Variants in CLEC10A observed in about 807,000 individuals in gnomAD.
The protein encoded by CLEC10A is C-type lectin domain containing 10A.
Under a neutral mutation model 42.0 loss-of-function variants are expected in CLEC10A, and 38 were observed. The ratio of observed to expected loss-of-function variants is 0.90; its 90% CI spans 0.70 to 1.18. The LOEUF is 1.18. Among genes scored for constraint, CLEC10A ranks in the 50% most tolerant of loss-of-function variants. CLEC10A has a pLI of 0.00. For missense variants in CLEC10A, 298 were observed against 345.9 expected, an observed-to-expected ratio of 0.86 and a Z score of 1.10; for synonymous variants, 126 against 139.9, an observed-to-expected ratio of 0.90 and a Z score of 0.70.
Position 7,076,903 on chromosome 17 carries a change from A to C in CLEC10A, c.269T>G (p.Leu90Arg), listed in dbSNP as rs1911791709. Residue 90 changes from leucine (L) to arginine (R), a missense_variant, in exon 4 of 9, where the codon CTG (leucine) becomes CGG (arginine). This residue lies in a region of CLEC10A where 267 missense variants were observed against 289.5 expected (regional missense o/e 0.92). Transcript: ENST00000416562. ...TSNTVAEIQA[L>R]TSQGSSLEET... is the part of the protein sequence containing the mutation. ...CAAACCAGACTCACCCTGGGAAGTCAGTGCCTGGATCTCCGCCACAGTGTT... is the reference window on the plus strand; with the variant it reads ...CAAACCAGACTCACCCTGGGAAGTCCGTGCCTGGATCTCCGCCACAGTGTT... The C allele has an allele frequency of 6.2e-7, 1 of 1,613,894 alleles. No individual in the cohort carries two copies. Among genetic ancestry groups the C allele is most frequent in the South Asian group, 1.1e-5 (1 of 91,074 alleles).
chr17:7,074,834 T>C lies in CLEC10A; in HGVS notation c.*220A>G. 2.5e-6 allele frequency: 1 copy of C among 399,784 alleles called. No individual in the cohort carries two copies. Among genetic ancestry groups the C allele is most frequent in the Non-Finnish European group, 4.4e-6 (1 of 228,326 alleles). 24.8% of individuals were successfully genotyped at this position (399,784 alleles called of 1,614,324 possible). On this transcript the variant is annotated 3_prime_UTR_variant, in exon 9 of 9. Transcript: ENST00000416562. ...GTGCATTTTTATTATGTAAAAATTA[T>C]ACCTTCATGAAGTTGACTTTCAAAA...
rs779400609 is a variant in CLEC10A, at chr17:7,078,013, A to C, written c.168T>G (p.Cys56Trp). Residue 56 changes from cysteine to tryptophan, a missense_variant, in exon 3 of 9, where the codon TGT becomes TGG. By Grantham distance (215) the Cys-to-Trp change is radical (BLOSUM62 -2). Coordinates refer to ENST00000416562, the MANE Select transcript of CLEC10A (RefSeq NM_001330070.2). Reference sequence around the variant, plus strand: ...GACCCTCACTTTGGAATCCAACCACACAGATGATGACCAGCAGCAGGAGGC... The same window carrying C: ...GACCCTCACTTTGGAATCCAACCACCCAGATGATGACCAGCAGCAGGAGGC... ...GLGLLLLVIICVVGFQNSKFQ... is the reference protein window; with the variant it reads ...GLGLLLLVIIWVVGFQNSKFQ... The C allele has an allele frequency of 1.9e-6, 3 of 1,612,826 alleles. No homozygotes were observed. In the South Asian group the frequency reaches 3.3e-5, roughly 18 times the overall value.
At chr17:7,076,307 CTTTTTTTT>C (rs1206807036) in intron 5 of CLEC10A, among the ~76,000 whole-genome samples, 1 of 121,130 alleles carries the variant, frequency 8.3e-6, no homozygotes, top group African/African-American at 3.2e-5. Flanking sequence ...TTCTTTCTTT[CTTTTTTTT>C]TTTTTTTTTT....
rs1567744946 is a variant in CLEC10A at position 7,076,777 on chromosome 17, GA to G, written c.307del (p.Ser103LeufsTer2). 6.2e-7 allele frequency: 1 copy of G among 1,613,768 alleles called. No individual in the cohort carries two copies. The highest frequency in any genetic ancestry group is 1.3e-5 in the African/African-American group (1 of 74,898). ...GAAACCCTCCACCTCAGCTTTCAGA[GA>G]TGCTATCGTTTCTTCCAAGCTGCTG... ...QGSSLEETIA[S>X]LKAEVEGFKQ... On this transcript the variant is annotated frameshift_variant, in exon 5 of 9. Transcript: ENST00000416562. LOFTEE classifies it high-confidence loss of function.
rs73242048 is a variant in CLEC10A, at chr17:7,080,186, G to A, written c.-208C>T. ...GTGACTGGAGTCCTGCTGGTCTTGGGTCTGAAATCCCAGGAGCCCTATCAT... is the reference window on the plus strand; with the variant it reads ...GTGACTGGAGTCCTGCTGGTCTTGGATCTGAAATCCCAGGAGCCCTATCAT... On this transcript the variant is annotated 5_prime_UTR_variant, in exon 1 of 9. Coordinates refer to ENST00000416562, the MANE Select transcript of CLEC10A (RefSeq NM_001330070.2). 16,233 of 152,422 alleles carry A rather than the reference G, an allele frequency of 0.11. 1,637 individuals are homozygous for A. The highest frequency in any genetic ancestry group is 0.26 in the African/African-American group (10,981 of 41,460). 9.4% of individuals were successfully genotyped at this position (152,422 alleles called of 1,614,324 possible).
Position 7,078,788 on chromosome 17 carries a change from G to A in CLEC10A, c.25C>T (p.Gln9Ter), listed in dbSNP as rs1912010118. 6.2e-7 allele frequency: 1 copy of A among 1,614,172 alleles called. No individual in the cohort carries two copies. The highest frequency in any genetic ancestry group is 8.5e-7 in the Non-Finnish European group (1 of 1,180,030). Residue 9 changes from glutamine to a stop codon, truncating the protein, a stop_gained, in exon 2 of 9, where the codon CAG becomes TAG. Transcript: ENST00000416562. LOFTEE classifies it high-confidence loss of function. The part of the protein sequence containing the change: MTRTYENF[Q>*]YLENKVKVQG... ...ACTTTCACCTTATTCTCCAAGTACT[G>A]GAAGTTTTCATACGTCCTTGTCATG...
rs779984512 is a variant in CLEC10A, at chr17:7,078,882, G to A, written c.-70C>T. 6 of 1,457,030 alleles carry A rather than the reference G, an allele frequency of 4.1e-6. No homozygotes were observed. The highest frequency in any genetic ancestry group is 3.9e-6 in the Non-Finnish European group (4 of 1,037,010). 90.3% of individuals were successfully genotyped at this position (1,457,030 alleles called of 1,614,324 possible). A position where few individuals can be genotyped will look rare whatever the true frequency, so the allele number is the denominator to read the frequency against. ...GCAGGGCCGGCGCCCAGTCTGGGGT[G>A]GAGCTGGGGAATAGGAGGTTGGGAC... is the stretch of plus-strand genomic sequence containing the variant. On this transcript the variant is annotated 5_prime_UTR_variant, in exon 2 of 9. Coordinates refer to ENST00000416562, the MANE Select transcript of CLEC10A (RefSeq NM_001330070.2).
rs1467420036 is a variant in CLEC10A, at chr17:7,080,108, G to T, written c.-130C>A. On this transcript the variant is annotated 5_prime_UTR_variant, in exon 1 of 9. Transcript: ENST00000416562. Reference sequence around the variant, plus strand: ...GTTGGTTGTGCTGCAAGGACCAGAGGTGGGACGTCACTCAGAGTTGGGAGC... The same window carrying T: ...GTTGGTTGTGCTGCAAGGACCAGAGTTGGGACGTCACTCAGAGTTGGGAGC... The T allele has an allele frequency of 6.6e-6, 1 of 152,362 alleles. No individual in the cohort carries two copies. The highest frequency in any genetic ancestry group is 1.5e-5 in the Non-Finnish European group (1 of 68,144). 9.4% of individuals were successfully genotyped at this position (152,362 alleles called of 1,614,324 possible).
At position 7,076,003 on chromosome 17, in the gene CLEC10A, C is replaced by T; in HGVS notation, c.421G>A (p.Ala141Thr). 3.7e-6 allele frequency: 6 copies of T among 1,614,208 alleles called. No individual in the cohort carries two copies. Among genetic ancestry groups the T allele is most frequent in the Non-Finnish European group, 5.1e-6 (6 of 1,180,036 alleles). ...QDLKKLTCQV[A>T]TLNNNASTEG... ...TCCTCACCATTGTTGTTGAGAGTAG[C>T]CACCTGGCAGGTCAGTTTCTTCAGG... Residue 141 changes from alanine (A) to threonine (T), a missense_variant, in exon 6 of 9, where the codon GCT becomes ACT. Physicochemically the swap from Ala to Thr is moderately conservative, Grantham distance 58. This residue lies in a region of CLEC10A where 267 missense variants were observed against 289.5 expected (regional missense o/e 0.92). Coordinates refer to ENST00000416562, the MANE Select transcript of CLEC10A (RefSeq NM_001330070.2).
Position 7,074,567 on chromosome 17 carries a change from T to A in CLEC10A, c.*487A>T, listed in dbSNP as rs533417515. On this transcript the variant is annotated 3_prime_UTR_variant, in exon 9 of 9. Coordinates refer to ENST00000416562, the MANE Select transcript of CLEC10A (RefSeq NM_001330070.2). Reference sequence around the variant, plus strand: ...TCTCACGAGAGTATATATTCACTTATATGAAGTATATACACGAGAGTGTAT... The same window carrying A: ...TCTCACGAGAGTATATATTCACTTAAATGAAGTATATACACGAGAGTGTAT... The A allele has an allele frequency of 1.3e-5, 2 of 152,488 alleles. No homozygotes were observed. Among genetic ancestry groups the A allele is most frequent in the Admixed American group, 6.5e-5 (1 of 15,284 alleles). 9.4% of individuals were successfully genotyped at this position (152,488 alleles called of 1,614,324 possible).
Position 7,076,830 on chromosome 17 carries a change from G to C in CLEC10A, c.281-26C>G, listed in dbSNP as rs763205260. 1.9e-6 allele frequency: 3 copies of C among 1,613,798 alleles called. No homozygotes were observed. The Admixed American group carries it at 5.0e-5, about 27-fold the overall frequency. On this transcript the variant is annotated intron_variant, in intron 4 of 8. Transcript: ENST00000416562. ...CTGGAGGACACGGAGACTTGGCTTAGGGGTCAACTTCCTCCTCCCTGGCCT... is the reference window on the plus strand; with the variant it reads ...CTGGAGGACACGGAGACTTGGCTTACGGGTCAACTTCCTCCTCCCTGGCCT...
chr17:7,076,051 G>C lies in CLEC10A; in HGVS notation c.373C>G (p.Arg125Gly). 6.2e-7 allele frequency: 1 copy of C among 1,614,194 alleles called. No homozygotes were observed. The highest frequency in any genetic ancestry group is 1.3e-5 in the African/African-American group (1 of 75,036). ...AGGTCTTGCACCAGCTGCTGGACTC[G>C]CAGGAGCATTTCAGAATGAACTGGG... Reference protein sequence around the residue: ...RQAVHSEMLLRVQQLVQDLKK... With the variant: ...RQAVHSEMLLGVQQLVQDLKK... The change falls in exon 6 of 9, where the codon CGA (arginine) becomes GGA (glycine). Residue 125 changes from arginine to glycine, a missense_variant. Coordinates refer to ENST00000416562, the MANE Select transcript of CLEC10A (RefSeq NM_001330070.2).
Position 7,079,218 on chromosome 17 carries a change from G to A in CLEC10A, c.-73-333C>T, listed in dbSNP as rs746359368. Among the ~76,000 whole-genome samples, 4 of 152,208 alleles carry A rather than the reference G, an allele frequency of 2.6e-5. No homozygotes were observed. The Middle Eastern group carries it at 0.01, about 388-fold the overall frequency. On this transcript the variant is annotated intron_variant, in intron 1 of 8. Transcript: ENST00000416562. ...GTGAATTTGGAAACAGAATAGAGTC[G>A]AGGTTCAATTTTGGCTTTGGGCTGG...
chr17:7,075,841 G>A lies in CLEC10A; in HGVS notation c.484C>T (p.Gln162Ter). Reference sequence around the variant, plus strand: ...TGAGAGAACCAGTAGCAGCTGTCTTGGTGCTCCACCCAGTTGACAGGGCAG... The same window carrying A: ...TGAGAGAACCAGTAGCAGCTGTCTTAGTGCTCCACCCAGTTGACAGGGCAG... ...TCCPVNWVEH[Q>*]DSCYWFSHSG... is the part of the protein sequence containing the mutation. Residue 162 changes from glutamine (Q) to a stop codon, truncating the protein, a stop_gained, in exon 7 of 9, where the codon CAA becomes TAA. Coordinates refer to ENST00000416562, the MANE Select transcript of CLEC10A (RefSeq NM_001330070.2). LOFTEE classifies it high-confidence loss of function. 6.2e-7 allele frequency: 1 copy of A among 1,614,118 alleles called. No individual in the cohort carries two copies. The highest frequency in any genetic ancestry group is 8.5e-7 in the Non-Finnish European group (1 of 1,179,964).
chr17:7,077,528 ACCCC>A (rs1436738719), intron 3 of CLEC10A, among the ~76,000 whole-genome samples: 1 of 9,178 alleles, frequency 1.1e-4, no homozygotes. Context: ...CCCATCAGTG[ACCCC>A]CCACCGTTCC....
intron 5 of CLEC10A, 67 bp from the exon 6 acceptor site, chr17:7,076,138 G>A: frequency 6.2e-7 from 1 of 1,613,908 alleles, no homozygotes; most frequent in South Asian, 1.1e-5. Context: ...GTGTGTTCCT[G>A]GAGCTCAGAT....
At chr17:7,075,934 G>A in intron 6 of CLEC10A, 49 bp from the exon 7 acceptor site, 1 of 1,612,202 alleles carries the variant, frequency 6.2e-7, no homozygotes, top group Non-Finnish European at 8.5e-7. Flanking sequence ...GCTCTGCCCA[G>A]TGGGCCATGG....
chr17:7,076,745 C>A lies in CLEC10A; in HGVS notation c.340G>T (p.Glu114Ter), dbSNP rs1473806851. Residue 114 changes from glutamate (E) to a stop codon, truncating the protein, a stop_gained, in exon 5 of 9, where the codon GAA becomes TAA. Coordinates refer to ENST00000416562, the MANE Select transcript of CLEC10A (RefSeq NM_001330070.2). LOFTEE classifies it high-confidence loss of function. ...LKAEVEGFKQ[E>*]RQAVHSEMLL... ...GAGGGTCTCTCACCTGCCTGCCGTTCCTGCTTGAAACCCTCCACCTCAGCT... is the reference window on the plus strand; with the variant it reads ...GAGGGTCTCTCACCTGCCTGCCGTTACTGCTTGAAACCCTCCACCTCAGCT... 1.9e-6 allele frequency: 3 copies of A among 1,613,556 alleles called. No homozygotes were observed. The African/African-American group carries it at 4.0e-5, about 22-fold the overall frequency.
intron 3 of CLEC10A, 149 bp from the exon 4 acceptor site, chr17:7,077,136 G>A: frequency 1.6e-6 from 1 of 643,048 alleles, no homozygotes; most frequent in Non-Finnish European, 2.8e-6. Flanking sequence ...TGCCGATGAG[G>A]AAACTAAGCC....
Sources: gnomAD v4.1 joint callset for allele counts (sites outside exome capture counted in the v4.1 genomes callset) on GRCh38, gnomAD v4.1.1 for gene constraint, gnomAD v4.1.1 regional missense constraint, MANE v1.5 for transcripts, NCBI Gene and HGNC (gene_info 2026-07-23, HGNC 2026-07-21) for gene names.